DPY19L3: variants seen among roughly 807,000 people sequenced by gnomAD.
The protein encoded by DPY19L3 is dpy-19 like C-mannosyltransferase 3.
DPY19L3 carries 51 observed loss-of-function variants against 92.3 expected under a neutral mutation model. The observed-to-expected ratio is 0.55, with a 90% CI of 0.44 to 0.70. The LOEUF (loss-of-function observed/expected upper bound fraction) is 0.70, where lower values mean the gene tolerates loss of function less well. DPY19L3 is among the 30% of genes least tolerant of loss of function. DPY19L3 has a pLI of 0.00. For synonymous variants in DPY19L3, 309 were observed against 315.2 expected (o/e 0.98, Z 0.21); for missense variants, 706 against 855.9 (o/e 0.82, Z 2.18).
At chr19:32,446,460 G>A (rs1396625470) in intron 8 of DPY19L3, among the ~76,000 whole-genome samples, 1 of 152,076 alleles carries the variant, frequency 6.6e-6, no homozygotes, top group Non-Finnish European at 1.5e-5. Context: ...GCATGACCCA[G>A]CTGTTGTCTA....
At chr19:32,453,105 G>A (rs1348113067) in intron 8 of DPY19L3, 40 bp from the exon 9 acceptor site, 2 of 1,609,120 alleles carry the variant, frequency 1.2e-6, no homozygotes, top group East Asian at 2.2e-5. Flanking sequence ...ATGATCTCTT[G>A]GTAAAATGTC....
At chr19:32,448,265 G>A (rs1257720731) in intron 8 of DPY19L3, among the ~76,000 whole-genome samples, 1 of 152,124 alleles carries the variant, frequency 6.6e-6, no homozygotes, top group Non-Finnish European at 1.5e-5. Flanking sequence ...TTTTATTAAT[G>A]TTAAACAGAT....
At position 32,464,845 on chromosome 19, in the gene DPY19L3, C is replaced by A; in HGVS notation, c.1614+61C>A. ...ATTTAGCAGAATAATTGCTTTGATT[C>A]AATATATTTTGTGTATTATTTGGCA... On this transcript the variant is annotated intron_variant, in intron 15 of 18. Transcript: ENST00000392250. 3.4e-6 allele frequency: 4 copies of A among 1,190,266 alleles called. No individual in the cohort carries two copies. In the South Asian group the frequency reaches 5.0e-5, roughly 15 times the overall value. The allele number at this position is 1,190,266 out of a possible 1,614,324, so 73.7% of individuals were successfully genotyped here.
chr19:32,459,462 G>A (rs1969971789), intron 12 of DPY19L3, among the ~76,000 whole-genome samples: 1 of 152,252 alleles, frequency 6.6e-6, no homozygotes, highest in South Asian at 2.1e-4. Context: ...TGATCATTAA[G>A]AATGAAACAA....
In DPY19L3 at chr19:32,459,412, G is replaced by A. The variant is rs545367949; in HGVS notation, c.1322+903G>A. On this transcript the variant is annotated intron_variant, in intron 12 of 18. Coordinates refer to ENST00000392250, the MANE Select transcript of DPY19L3 (RefSeq NM_001172774.2). ...AACTGTGATTCACAGCCACGAGAGAGCTGTCATTAAAATGAGTCCAGAGCA... is the reference window on the plus strand; with the variant it reads ...AACTGTGATTCACAGCCACGAGAGAACTGTCATTAAAATGAGTCCAGAGCA... Among the ~76,000 whole-genome samples the A allele has an allele frequency of 2.0e-5, 3 of 152,320 alleles. No homozygotes were observed. In the East Asian group the frequency reaches 5.8e-4, roughly 29 times the overall value.
intron 5 of DPY19L3, among the ~76,000 whole-genome samples, chr19:32,436,946 T>C (rs1387192891): frequency 6.6e-6 from 1 of 151,822 alleles, no homozygotes; most frequent in Non-Finnish European, 1.5e-5. Context: ...TCAGACAAAG[T>C]TAGGTATAAA....
intron 12 of DPY19L3, 134 bp downstream of exon 12, chr19:32,458,643 T>G: frequency 1.1e-6 from 1 of 918,770 alleles, no homozygotes; most frequent in East Asian, 2.4e-5. Context: ...CATACCTCGT[T>G]TAGAGTGGAC....
At chr19:32,447,260 G>C (rs1317083854) in intron 8 of DPY19L3, among the ~76,000 whole-genome samples, 1 of 152,170 alleles carries the variant, frequency 6.6e-6, no homozygotes, top group Non-Finnish European at 1.5e-5. Context: ...AGAAGAAAAT[G>C]TGTAGCACTA....
At chr19:32,425,034 G>T (rs1340850213) in intron 3 of DPY19L3, among the ~76,000 whole-genome samples, 1 of 152,102 alleles carries the variant, frequency 6.6e-6, no homozygotes, top group Non-Finnish European at 1.5e-5. Flanking sequence ...ACATGCAAAA[G>T]AATGAAATTA....
intron 16 of DPY19L3, among the ~76,000 whole-genome samples, chr19:32,472,428 C>T (rs938720399): frequency 3.9e-5 from 6 of 152,100 alleles, no homozygotes; most frequent in South Asian, 4.1e-4. Context: ...CACGCTACAC[C>T]GATGCATTGC....
In DPY19L3 at chr19:32,411,343, G is replaced by A. The variant is rs749833389; in HGVS notation, c.208G>A (p.Glu70Lys). 1 of 1,614,086 alleles carries A rather than the reference G, an allele frequency of 6.2e-7. No homozygotes were observed. The highest frequency in any genetic ancestry group is 1.1e-5 in the South Asian group (1 of 91,072). Reference sequence around the variant, plus strand: ...ATCTGTCTACCTTGCCACGTTACATGAAAATGATTTATGGTTTTCTAATAT... The same window carrying A: ...ATCTGTCTACCTTGCCACGTTACATAAAAATGATTTATGGTTTTCTAATAT... Reference protein sequence around the residue: ...LTSVYLATLHENDLWFSNIKE... With the variant: ...LTSVYLATLHKNDLWFSNIKE... Residue 70 changes from glutamate to lysine, a missense_variant, in exon 3 of 19, where the codon GAA becomes AAA. Glu to Lys is a moderately conservative substitution (Grantham distance 56). Coordinates refer to ENST00000392250, the MANE Select transcript of DPY19L3 (RefSeq NM_001172774.2).
chr19:32,425,490 G>A (rs753920046), intron 3 of DPY19L3, among the ~76,000 whole-genome samples: 1 of 152,030 alleles, frequency 6.6e-6, no homozygotes, highest in Non-Finnish European at 1.5e-5. Context: ...GGCAGAGGTT[G>A]CAGTGAGCTG....
At chr19:32,447,802 C>G (rs574266577) in intron 8 of DPY19L3, among the ~76,000 whole-genome samples, 8,377 of 85,412 alleles carry the variant, frequency 0.098, 302 homozygotes, top group Admixed American at 0.13. Flanking sequence ...CCATCTCATT[C>G]ATAGATAGAT....
In DPY19L3 at chr19:32,436,499, C is replaced by A; in HGVS notation, c.382C>A (p.Leu128Ile). The A allele has an allele frequency of 1.3e-6, 2 of 1,575,792 alleles. No homozygotes were observed. Among genetic ancestry groups the A allele is most frequent in the South Asian group, 2.3e-5 (2 of 87,570 alleles). ...NKTESMKTIN[L>I]LQRMNIYQEV... is the part of the protein sequence containing the mutation. ...AACTGAATCTATGAAGACAATTAAC[C>A]TCCTTCAGCGAATGAATATTTACCA... The change falls in exon 5 of 19, where the codon CTC (leucine) becomes ATC (isoleucine). Residue 128 changes from leucine (L) to isoleucine (I), a missense_variant. By Grantham distance (5) the Leu-to-Ile change is conservative. Coordinates refer to ENST00000392250, the MANE Select transcript of DPY19L3 (RefSeq NM_001172774.2).
rs1599622505 is a variant in DPY19L3 at position 32,437,070 on chromosome 19, T to C, written c.451-124T>C. ...GCTTCTCTAATAGATGAAAGGGGTG[T>C]GGGCTTGCTGCTTGGAATTAGAGGC... On this transcript the variant is annotated intron_variant, in intron 5 of 18. Transcript: ENST00000392250. The C allele has an allele frequency of 1.4e-5, 16 of 1,148,052 alleles. No homozygotes were observed. The East Asian group carries it at 3.9e-4, about 28-fold the overall frequency. The allele number at this position is 1,148,052 out of a possible 1,614,324, so 71.1% of individuals were successfully genotyped here. A position where few individuals can be genotyped will look rare whatever the true frequency, so the allele number is the denominator to read the frequency against.
Position 32,483,134 on chromosome 19 carries a change from C to T in DPY19L3, c.*894C>T, listed in dbSNP as rs543364670. 1.3e-5 allele frequency: 2 copies of T among 152,110 alleles called. No individual in the cohort carries two copies. Among genetic ancestry groups the T allele is most frequent in the African/African-American group, 4.8e-5 (2 of 41,420 alleles). 9.4% of individuals were successfully genotyped at this position (152,110 alleles called of 1,614,324 possible). A position where few individuals can be genotyped will look rare whatever the true frequency, so the allele number is the denominator to read the frequency against. Reference sequence around the variant, plus strand: ...GTGTTTTTAGCCTTTGTATTTTTTACAGCCTAGAATCTTGCAAAGTCTGAA... The same window carrying T: ...GTGTTTTTAGCCTTTGTATTTTTTATAGCCTAGAATCTTGCAAAGTCTGAA... On this transcript the variant is annotated 3_prime_UTR_variant, in exon 19 of 19. Transcript: ENST00000392250.
At chr19:32,456,034 G>GA (rs1170395708) in intron 10 of DPY19L3, among the ~76,000 whole-genome samples, 1 of 141,730 alleles carries the variant, frequency 7.1e-6, no homozygotes, top group Non-Finnish European at 1.5e-5. Context: ...GACTATCAAA[G>GA]AAAAAAAAGA....
chr19:32,452,999 G>A lies in DPY19L3; in HGVS notation c.856-146G>A, dbSNP rs370066982. 1.5e-4 allele frequency: 140 copies of A among 932,952 alleles called. No homozygotes were observed. In the Middle Eastern group the frequency reaches 1.7e-3, roughly 11 times the overall value. The allele number at this position is 932,952 out of a possible 1,614,324, so 57.8% of individuals were successfully genotyped here. A position where few individuals can be genotyped will look rare whatever the true frequency, so the allele number is the denominator to read the frequency against. On this transcript the variant is annotated intron_variant, in intron 8 of 18. Transcript: ENST00000392250. ...TGAGATTACAGATGTGAGCCACCGC[G>A]CCTGGCCTAGATTGTGTTTCTTGAA...
intron 4 of DPY19L3, among the ~76,000 whole-genome samples, chr19:32,435,872 T>C (rs1198964142): frequency 6.6e-6 from 1 of 152,226 alleles, no homozygotes; most frequent in African/African-American, 2.4e-5. Context: ...TCTCATGACA[T>C]GTCTGCTGTG....
Sources: allele counts gnomAD v4.1 joint callset (sites outside exome capture counted in the v4.1 genomes callset), GRCh38; gene constraint gnomAD v4.1.1; transcripts MANE v1.5; gene names NCBI Gene and HGNC (gene_info 2026-07-23, HGNC 2026-07-21).